RBFOX1: variants seen among roughly 807,000 people sequenced by gnomAD.
RBFOX1 encodes RNA binding fox-1 homolog 1.
Under a neutral mutation model 57.7 loss-of-function variants are expected in RBFOX1, and 8 were observed. The ratio of observed to expected loss-of-function variants is 0.14; its 90% confidence interval spans 0.08 to 0.25. The LOEUF (loss-of-function observed/expected upper bound fraction) is 0.25. RBFOX1 is among the 10% of genes least tolerant of loss of function. The pLI, the probability that RBFOX1 is intolerant of heterozygous loss-of-function variation, is 1.00. For synonymous variants in RBFOX1, 326 were observed against 222.4 expected, an observed-to-expected ratio of 1.47 and a Z score of -4.15; for missense variants, 611 against 548.5, an observed-to-expected ratio of 1.11 and a Z score of -1.14.
chr16:7,321,755 G>A (rs2096548170), intron 4 of RBFOX1, among the ~76,000 whole-genome samples: 2 of 152,198 alleles, frequency 1.3e-5, no homozygotes, highest in Non-Finnish European at 2.9e-5. Flanking sequence ...GAGCCAGAAA[G>A]GAAATGAGGT....
At chr16:6,803,611 G>T (rs533487958) in intron 3 of RBFOX1, among the ~76,000 whole-genome samples, 3 of 152,126 alleles carry the variant, frequency 2.0e-5, no homozygotes, top group African/African-American at 7.2e-5. Context: ...AAGGAAACAG[G>T]ATTCCTAAAC....
intron 2 of RBFOX1, among the ~76,000 whole-genome samples, chr16:6,519,156 G>C (rs1008079460): frequency 2.0e-5 from 3 of 151,996 alleles, no homozygotes; most frequent in African/African-American, 7.3e-5. Context: ...CTGCAGTCAA[G>C]ATATGGGGGG....
At chr16:6,599,386 C>T (rs1380374027) in intron 2 of RBFOX1, among the ~76,000 whole-genome samples, 2 of 152,020 alleles carry the variant, frequency 1.3e-5, no homozygotes, top group Non-Finnish European at 2.9e-5. Flanking sequence ...GAGTCTCTTC[C>T]TTGGGAGTTA....
intron 1 of RBFOX1, among the ~76,000 whole-genome samples, chr16:5,372,015 C>T (rs1377213582): frequency 2.0e-5 from 3 of 152,186 alleles, no homozygotes; most frequent in Non-Finnish European, 2.9e-5. Context: ...GGGGAATCCT[C>T]TTTTAAGATG....
chr16:7,384,209 C>T (rs1034533879), intron 4 of RBFOX1, among the ~76,000 whole-genome samples: 2 of 151,260 alleles, frequency 1.3e-5, no homozygotes, highest in Admixed American at 1.3e-4. Context: ...ATATATGAAA[C>T]ATATATGAAA....
chr16:7,626,578 G>T (rs1045894889), intron 10 of RBFOX1, among the ~76,000 whole-genome samples: 2 of 152,176 alleles, frequency 1.3e-5, no homozygotes, highest in Non-Finnish European at 1.5e-5. Context: ...TACAGTCATC[G>T]ACAGTCCAGG....
intron 3 of RBFOX1, among the ~76,000 whole-genome samples, chr16:5,644,374 G>A (rs2048979793): frequency 6.6e-6 from 1 of 152,166 alleles, no homozygotes; most frequent in Admixed American, 6.6e-5. Flanking sequence ...AGTGATTTTG[G>A]CCATTGTGCA....
chr16:6,859,634 C>A (rs1354614073), intron 3 of RBFOX1, among the ~76,000 whole-genome samples: 1 of 152,100 alleles, frequency 6.6e-6, no homozygotes, highest in Non-Finnish European at 1.5e-5. Flanking sequence ...TCGATAACCT[C>A]CATGGAACTG....
chr16:6,792,209 G>A (rs373858254), intron 3 of RBFOX1, among the ~76,000 whole-genome samples: 3 of 152,100 alleles, frequency 2.0e-5, no homozygotes, highest in East Asian at 1.9e-4. Flanking sequence ...AACAAAACAA[G>A]GTCAATTTTA....
At chr16:5,851,794 C>A (rs1158266551) in intron 3 of RBFOX1, among the ~76,000 whole-genome samples, 1 of 152,116 alleles carries the variant, frequency 6.6e-6, no homozygotes, top group South Asian at 2.1e-4. Flanking sequence ...GCAAGTTTAG[C>A]GTTCTGTGGG....
intron 4 of RBFOX1, among the ~76,000 whole-genome samples, chr16:7,398,215 A>G (rs766550773): frequency 6.6e-6 from 1 of 152,330 alleles, no homozygotes; most frequent in Non-Finnish European, 1.5e-5. Context: ...AAGCATCAGT[A>G]TCATTGCCTG....
At chr16:6,244,533 T>C (rs896822463) in intron 1 of RBFOX1, among the ~76,000 whole-genome samples, 3 of 152,204 alleles carry the variant, frequency 2.0e-5, no homozygotes, top group African/African-American at 7.2e-5. Context: ...AGATGGAGTC[T>C]CCCTCTGTAG....
At chr16:5,756,087 C>G (rs2043628) in intron 3 of RBFOX1, among the ~76,000 whole-genome samples, 1 of 152,166 alleles carries the variant, frequency 6.6e-6, no homozygotes, top group South Asian at 2.1e-4. Context: ...CCAGTGCCTT[C>G]TAAGTCAGGC....
rs558692986 is a variant in RBFOX1, at chr16:7,574,742, C to T, written c.271-5035C>T. Among the ~76,000 whole-genome samples the T allele has an allele frequency of 3.3e-5, 5 of 152,192 alleles. No homozygotes were observed. In the South Asian group the frequency reaches 1.0e-3, roughly 32 times the overall value. ...TTTGGCAGCACACTAACAGACACAC[C>T]CAGGACCAATACTTTGCATCCTTCA... On this transcript the variant is annotated intron_variant, in intron 5 of 15. Transcript: ENST00000550418.
chr16:7,627,228 C>G (rs1482093797), intron 10 of RBFOX1, among the ~76,000 whole-genome samples: 1 of 146,182 alleles, frequency 6.8e-6, no homozygotes, highest in Non-Finnish European at 1.5e-5. Context: ...TTTAATCTAA[C>G]TCTAAGAGCA....
intron 13 of RBFOX1, among the ~76,000 whole-genome samples, chr16:7,675,338 G>T (rs1005162232): frequency 2.0e-5 from 3 of 151,466 alleles, no homozygotes; most frequent in Non-Finnish European, 4.4e-5. Flanking sequence ...ATAGTATTTG[G>T]AACACCAGGT....
At chr16:6,287,368 C>T (rs1449694026) in intron 1 of RBFOX1, among the ~76,000 whole-genome samples, 1 of 152,114 alleles carries the variant, frequency 6.6e-6, no homozygotes, top group Non-Finnish European at 1.5e-5. Context: ...CAGTAGGAAA[C>T]AAACTTGCTA....
intron 4 of RBFOX1, among the ~76,000 whole-genome samples, chr16:7,425,916 T>A (rs938267104): frequency 6.6e-6 from 1 of 152,180 alleles, no homozygotes; most frequent in African/African-American, 2.4e-5. Flanking sequence ...CCATAAAGCC[T>A]CCTCCCAGAT....
At chr16:7,175,267 T>A (rs28425611) in intron 4 of RBFOX1, among the ~76,000 whole-genome samples, 3,977 of 152,230 alleles carry the variant, frequency 0.026, 174 homozygotes, top group African/African-American at 0.091. Flanking sequence ...TTTTCATTTT[T>A]CAGCTCCCAC....
Sources: allele counts gnomAD v4.1 joint callset (sites outside exome capture counted in the v4.1 genomes callset), GRCh38; gene constraint gnomAD v4.1.1; transcripts MANE v1.5; gene names NCBI Gene and HGNC (gene_info 2026-07-23, HGNC 2026-07-21).